RREB1: variants seen among roughly 807,000 people sequenced by gnomAD.
RREB1 encodes the protein ras-responsive element-binding protein 1.
In RREB1, 27 loss-of-function variants were observed where a neutral mutation model predicts 117.8. The observed-to-expected ratio is 0.23, with a 90% CI of 0.17 to 0.32. The LOEUF is 0.32. Among genes scored for constraint, RREB1 ranks in the 10% least tolerant of loss-of-function variants. The pLI is 1.00. For missense variants in RREB1, 2,577 were observed against 2,378.2 expected (o/e 1.08, Z -1.74); for synonymous variants, 1,298 against 1,026.7 (o/e 1.26, Z -5.05).
chr6:7,187,468 C>T lies in RREB1; in HGVS notation c.206C>T (p.Pro69Leu), dbSNP rs1438528677. The T allele has an allele frequency of 1.2e-6, 2 of 1,605,902 alleles. No individual in the cohort carries two copies. The highest frequency in any genetic ancestry group is 1.7e-6 in the Non-Finnish European group (2 of 1,174,258). Residue 69 changes from proline to leucine, a missense_variant, in exon 5 of 13, where the codon CCC becomes CTC. Transcript: ENST00000379938. ...GAGGAGAAGTCTTCCTATAACTGCC[C>T]CCTGTGTGAGAAGATTTGCACTACC... ...TKEEKSSYNC[P>L]LCEKICTTQH...
Position 7,246,607 on chromosome 6 carries a change from A to C in RREB1, c.4157A>C (p.Glu1386Ala), listed in dbSNP as rs1216061218. 1.2e-5 allele frequency: 18 copies of C among 1,561,198 alleles called. No individual in the cohort carries two copies. The highest frequency in any genetic ancestry group is 1.6e-5 in the Non-Finnish European group (18 of 1,153,032). The change falls in exon 12 of 13, where the codon GAG becomes GCG. Residue 1386 changes from glutamate to alanine, a missense_variant. Coordinates refer to ENST00000379938, the MANE Select transcript of RREB1 (RefSeq NM_001003699.4). ...CACCGGGAAGAGCACGGGCGTGGGG[A>C]GAGCCATGAGCCGGAGGAGGAGCAT... The part of the protein sequence containing the change: ...PVHREEHGRG[E>A]SHEPEEEHGT...
At chr6:7,120,409 G>A (rs1761625134) in intron 1 of RREB1, among the ~76,000 whole-genome samples, 1 of 152,116 alleles carries the variant, frequency 6.6e-6, no homozygotes, top group African/African-American at 2.4e-5. Flanking sequence ...AGCTGTGATT[G>A]TGCCACTGCA....
intron 1 of RREB1, among the ~76,000 whole-genome samples, chr6:7,133,718 C>G (rs1179922527): frequency 6.6e-6 from 1 of 151,914 alleles, no homozygotes; most frequent in Admixed American, 6.6e-5. Context: ...GCACCTATGC[C>G]CATAATAGAA....
At chr6:7,133,948 C>A (rs190906758) in intron 1 of RREB1, among the ~76,000 whole-genome samples, 16 of 152,178 alleles carry the variant, frequency 1.1e-4, no homozygotes, top group African/African-American at 3.6e-4. Context: ...ATATGTTTTA[C>A]AATTTTAATA....
At chr6:7,187,280 G>T (rs1765131482) in intron 4 of RREB1, among the ~76,000 whole-genome samples, 154 bp from the exon 5 acceptor site, 1 of 152,178 alleles carries the variant, frequency 6.6e-6, no homozygotes, top group Admixed American at 6.5e-5. Flanking sequence ...AGGCAGACAG[G>T]GCCGTGACTT....
intron 6 of RREB1, among the ~76,000 whole-genome samples, chr6:7,203,657 C>T (rs1214084070): frequency 2.0e-5 from 3 of 152,176 alleles, no homozygotes; most frequent in African/African-American, 7.2e-5. Flanking sequence ...CCTGGTACTC[C>T]TGGACTTCAA....
chr6:7,218,588 C>G (rs1767045285), intron 8 of RREB1: 1 of 152,066 alleles, frequency 6.6e-6, no homozygotes, highest in South Asian at 2.1e-4. Context: ...ATTTTAGGTA[C>G]TAGGCTCAGT....
chr6:7,123,601 G>A (rs534563344), intron 1 of RREB1, among the ~76,000 whole-genome samples: 2 of 146,846 alleles, frequency 1.4e-5, no homozygotes, highest in African/African-American at 5.0e-5. Flanking sequence ...GCCAGGCCAT[G>A]TGATGTGTCT....
At chr6:7,117,410 T>TTG in intron 1 of RREB1, among the ~76,000 whole-genome samples, 2 of 132,172 alleles carry the variant, frequency 1.5e-5, no homozygotes, top group East Asian at 4.4e-4. Context: ...TTTTTTTTTT[T>TTG]TTTTTTTTTT....
chr6:7,184,464 G>A (rs1764972478), intron 4 of RREB1: 1 of 147,968 alleles, frequency 6.8e-6, no homozygotes, highest in African/African-American at 2.5e-5. Context: ...TCACTATGTT[G>A]CCCAGGCTGG....
chr6:7,163,864 G>GT (rs1164842433), intron 1 of RREB1, among the ~76,000 whole-genome samples: 1 of 152,242 alleles, frequency 6.6e-6, no homozygotes, highest in Non-Finnish European at 1.5e-5. Flanking sequence ...AGATGCCATT[G>GT]TTTCGCAAGT....
At chr6:7,176,360 G>A (rs764204283) in intron 1 of RREB1, among the ~76,000 whole-genome samples, 1 of 152,030 alleles carries the variant, frequency 6.6e-6, no homozygotes, top group Non-Finnish European at 1.5e-5. Context: ...GCTCCCCCCC[G>A]GAGCCAGTGG....
intron 8 of RREB1, chr6:7,217,745 AT>A (rs1766988420): frequency 6.6e-6 from 1 of 152,102 alleles, no homozygotes; most frequent in African/African-American, 2.4e-5. Flanking sequence ...TTTAGAATGT[AT>A]TTTTTATATA....
intron 10 of RREB1, among the ~76,000 whole-genome samples, chr6:7,236,432 A>G (rs1167488847): frequency 6.6e-6 from 1 of 152,182 alleles, no homozygotes; most frequent in Non-Finnish European, 1.5e-5. Flanking sequence ...GAGTCATCCA[A>G]ACCTGGGTGT....
chr6:7,109,404 TG>T (rs986660926), intron 1 of RREB1, among the ~76,000 whole-genome samples: 10 of 151,510 alleles, frequency 6.6e-5, no homozygotes, highest in African/African-American at 1.9e-4. Context: ...GGAAGCGGCG[TG>T]TTTTCTGGAC....
At chr6:7,188,802 G>A (rs1765243175) in intron 5 of RREB1, among the ~76,000 whole-genome samples, 1 of 152,134 alleles carries the variant, frequency 6.6e-6, no homozygotes, top group Admixed American at 6.5e-5. Flanking sequence ...TCCTTTAATG[G>A]AAGGACATAT....
intron 6 of RREB1, among the ~76,000 whole-genome samples, chr6:7,208,761 C>G (rs1336280114): frequency 6.6e-6 from 1 of 152,252 alleles, no homozygotes; most frequent in East Asian, 1.9e-4. Flanking sequence ...TCCTCACCCT[C>G]TTCACTTTGG....
intron 3 of RREB1, 22 bp from the exon 4 acceptor site, chr6:7,181,848 A>C (rs1326941091): frequency 6.4e-7 from 1 of 1,555,784 alleles, no homozygotes; most frequent in East Asian, 2.2e-5. Context: ...CCATGATCAC[A>C]TCAGCAATTT....
chr6:7,184,180 T>C (rs1764948726), intron 4 of RREB1, among the ~76,000 whole-genome samples: 2 of 151,930 alleles, frequency 1.3e-5, no homozygotes, highest in African/African-American at 4.8e-5. Context: ...GAGACCTCCA[T>C]GTCCTATAAA....
Sources: allele counts gnomAD v4.1 joint callset (sites outside exome capture counted in the v4.1 genomes callset), GRCh38; gene constraint gnomAD v4.1.1; transcripts MANE v1.5; gene names NCBI Gene and HGNC (gene_info 2026-07-23, HGNC 2026-07-21).